Variants in DLG5 observed in about 807,000 individuals in gnomAD.
DLG5 encodes discs large MAGUK scaffold protein 5.
DLG5 carries 48 observed loss-of-function variants against 189.8 expected under a neutral mutation model. That is an observed-to-expected ratio of 0.25 (90% CI 0.20 to 0.32). The LOEUF (loss-of-function observed/expected upper bound fraction) is 0.32. Among genes scored for constraint, DLG5 ranks in the 10% least tolerant of loss-of-function variants. DLG5 has a pLI of 1.00. For missense variants in DLG5, 2,160 were observed against 2,544.7 expected, an observed-to-expected ratio of 0.85 and a Z score of 3.25; for synonymous variants, 1,016 against 1,054.1, an observed-to-expected ratio of 0.96 and a Z score of 0.70.
rs1375947572 is a variant in DLG5, at chr10:77,891,318, A to G, written c.305-22121T>C. Among the ~76,000 whole-genome samples the G allele has an allele frequency of 2.6e-5, 4 of 152,252 alleles. No individual in the cohort carries two copies. In the East Asian group the frequency reaches 5.8e-4, roughly 22 times the overall value. ...AAATCCTCAATGATTTATGTGCCGCAAGGAGCTCCCAATTTTCATTTTGCA... is the reference window on the plus strand; with the variant it reads ...AAATCCTCAATGATTTATGTGCCGCGAGGAGCTCCCAATTTTCATTTTGCA... On this transcript the variant is annotated intron_variant, in intron 1 of 31. Coordinates refer to ENST00000372391, the MANE Select transcript of DLG5 (RefSeq NM_004747.4).
At chr10:77,896,304 A>C (rs1431190909) in intron 1 of DLG5, among the ~76,000 whole-genome samples, 1 of 152,202 alleles carries the variant, frequency 6.6e-6, no homozygotes, top group Admixed American at 6.5e-5. Flanking sequence ...TTTTTAAAAA[A>C]TCTATAAAAG....
At chr10:77,907,918 G>GA (rs1040975836) in intron 1 of DLG5, among the ~76,000 whole-genome samples, 11 of 152,114 alleles carry the variant, frequency 7.2e-5, no homozygotes, top group Non-Finnish European at 1.6e-4. Flanking sequence ...GATCAAATGA[G>GA]AAAATAAATA....
intron 1 of DLG5, among the ~76,000 whole-genome samples, chr10:77,925,580 G>A (rs1024787657): frequency 6.6e-6 from 1 of 152,184 alleles, no homozygotes; most frequent in Non-Finnish European, 1.5e-5. Flanking sequence ...CTCAGGGAGA[G>A]AACTTAGCCC....
intron 13 of DLG5, among the ~76,000 whole-genome samples, chr10:77,826,350 T>C (rs1842638794): frequency 6.6e-6 from 1 of 152,162 alleles, no homozygotes; most frequent in Admixed American, 6.5e-5. Flanking sequence ...GAATGTGGGC[T>C]GGGCATGGTG....
intron 1 of DLG5, among the ~76,000 whole-genome samples, chr10:77,909,926 C>G (rs2131831333): frequency 6.6e-6 from 1 of 152,212 alleles, no homozygotes; most frequent in Non-Finnish European, 1.5e-5. Context: ...GGACAAGAGG[C>G]CCGGTGGCCT....
Position 77,819,887 on chromosome 10 carries a change from T to C in DLG5, c.3526+8A>G, listed in dbSNP as rs762483376. 5.2e-6 allele frequency: 8 copies of C among 1,545,514 alleles called. No individual in the cohort carries two copies. The South Asian group carries it at 1.0e-4, about 19-fold the overall frequency. ...CCCTCAGCCCCAGCCCCTGGCTGGC[T>C]GACTCACCCACAGACGGCCTGCTAG... On this transcript the variant is annotated splice_region_variant and intron_variant, in intron 16 of 31. Transcript: ENST00000372391.
At position 77,827,948 on chromosome 10, in the gene DLG5, T is replaced by C. The variant is rs1589167041; in HGVS notation, c.2289+934A>G. Among the ~76,000 whole-genome samples, 5 of 152,278 alleles carry C rather than the reference T, an allele frequency of 3.3e-5. No homozygotes were observed. The South Asian group carries it at 1.0e-3, about 32-fold the overall frequency. ...CTTCTAAATGGGGGCAGGGACAATC[T>C]CTAGGAGCAGGATTAAAGGGGGAAG... On this transcript the variant is annotated intron_variant, in intron 13 of 31. Coordinates refer to ENST00000372391, the MANE Select transcript of DLG5 (RefSeq NM_004747.4).
intron 1 of DLG5, among the ~76,000 whole-genome samples, chr10:77,879,259 AG>A: frequency 6.6e-6 from 1 of 152,142 alleles, no homozygotes; most frequent in East Asian, 1.9e-4. Flanking sequence ...GCAAGTGCAA[AG>A]GCCCTGGGGC....
chr10:77,856,094 C>G (rs2154576741), intron 3 of DLG5, among the ~76,000 whole-genome samples: 1 of 152,174 alleles, frequency 6.6e-6, no homozygotes, highest in African/African-American at 2.4e-5. Flanking sequence ...CCTGTAATTC[C>G]AGCACTCTGG....
At chr10:77,830,709 G>C in intron 10 of DLG5, 32 bp downstream of exon 10, 2 of 1,610,980 alleles carry the variant, frequency 1.2e-6, no homozygotes, top group Non-Finnish European at 1.7e-6. Flanking sequence ...ATCCATCAGA[G>C]AAGGAGAGAA....
intron 3 of DLG5, 152 bp downstream of exon 3, chr10:77,856,578 A>G (rs1844238738): frequency 2.9e-6 from 3 of 1,024,882 alleles, no homozygotes; most frequent in South Asian, 3.3e-5. Context: ...GCCCCTGGGA[A>G]GCATTTCTGG....
At chr10:77,880,917 A>T (rs1364701759) in intron 1 of DLG5, among the ~76,000 whole-genome samples, 1 of 149,556 alleles carries the variant, frequency 6.7e-6, no homozygotes, top group Non-Finnish European at 1.5e-5. Flanking sequence ...GCTAGTAAGC[A>T]GAGGGTCCCA....
At chr10:77,917,791 C>T (rs1846408034) in intron 1 of DLG5, among the ~76,000 whole-genome samples, 1 of 151,906 alleles carries the variant, frequency 6.6e-6, no homozygotes, top group Non-Finnish European at 1.5e-5. Context: ...CTTTGGGAGG[C>T]CGAGGCGGGT....
chr10:77,904,421 T>C (rs1846015691), intron 1 of DLG5, among the ~76,000 whole-genome samples: 1 of 152,148 alleles, frequency 6.6e-6, no homozygotes, highest in Non-Finnish European at 1.5e-5. Context: ...ATGATTGGTT[T>C]TGAAATGTGA....
chr10:77,812,511 G>T, intron 20 of DLG5, 134 bp from the exon 21 acceptor site: 2 of 1,009,648 alleles, frequency 2.0e-6, no homozygotes, highest in Non-Finnish European at 2.8e-6. Context: ...TTGTGACACA[G>T]CTACATGGGG....
chr10:77,889,900 G>T (rs753893975), intron 1 of DLG5, among the ~76,000 whole-genome samples: 4 of 152,144 alleles, frequency 2.6e-5, no homozygotes, highest in Non-Finnish European at 4.4e-5. Flanking sequence ...GAGGGGCACT[G>T]TAGGTGGGAG....
intron 1 of DLG5, among the ~76,000 whole-genome samples, chr10:77,925,275 G>A (rs984910435): frequency 2.0e-5 from 3 of 152,162 alleles, no homozygotes; most frequent in African/African-American, 7.2e-5. Context: ...ACAACTGAAC[G>A]TGATAAAGCA....
At chr10:77,798,832 A>G (rs993378613) in intron 27 of DLG5, among the ~76,000 whole-genome samples, 1 of 152,192 alleles carries the variant, frequency 6.6e-6, no homozygotes, top group Non-Finnish European at 1.5e-5. Flanking sequence ...GTGGAATTCA[A>G]TATAGTGCTT....
intron 24 of DLG5, 76 bp from the exon 25 acceptor site, chr10:77,808,020 T>C: frequency 6.4e-7 from 1 of 1,557,744 alleles, no homozygotes; most frequent in Non-Finnish European, 8.7e-7. Flanking sequence ...GGGCCAGTGC[T>C]GACCATACGG....
Sources: gnomAD v4.1 joint callset for allele counts (sites outside exome capture counted in the v4.1 genomes callset) on GRCh38, gnomAD v4.1.1 for gene constraint, MANE v1.5 for transcripts, NCBI Gene and HGNC (gene_info 2026-07-23, HGNC 2026-07-21) for gene names.